The following ADGRB1 variants were observed in gnomAD, a reference collection of about 807,000 sequenced individuals.
The protein encoded by ADGRB1 is adhesion G protein-coupled receptor B1.
ADGRB1 carries 36 observed loss-of-function variants against 175.7 expected under a neutral mutation model. That is an observed-to-expected ratio of 0.20 (90% CI 0.16 to 0.27). The LOEUF is 0.27. Ranked by LOEUF, ADGRB1 falls within the 10% of genes least tolerant of loss-of-function variation. The pLI is 1.00. For synonymous variants in ADGRB1, 1,054 were observed against 979.4 expected (o/e 1.08, Z -1.42); for missense variants, 1,731 against 2,255.3 (o/e 0.77, Z 4.71).
intron 1 of ADGRB1, among the ~76,000 whole-genome samples, chr8:142,454,076 C>T (rs1283705838): frequency 6.6e-6 from 1 of 152,128 alleles, no homozygotes; most frequent in Non-Finnish European, 1.5e-5. Flanking sequence ...AGGAGGGTCT[C>T]GAACAGGGTT....
At position 142,481,338 on chromosome 8, in the gene ADGRB1, A is replaced by T; in HGVS notation, c.1913A>T (p.Asp638Val). Reference sequence around the variant, plus strand: ...ACCTACATCCGCTGTGTTTCCATTGACTACAGAAACATCCAGATGATGGTG... The same window carrying T: ...ACCTACATCCGCTGTGTTTCCATTGTCTACAGAAACATCCAGATGATGGTG... Reference protein sequence around the residue: ...PPTYIRCVSIDYRNIQMMTRE... With the variant: ...PPTYIRCVSIVYRNIQMMTRE... Residue 638 changes from aspartate to valine, a missense_variant, in exon 10 of 31, where the codon GAC becomes GTC. By Grantham distance (152) the Asp-to-Val change is radical. This residue lies in a region of ADGRB1 where 388 missense variants were observed against 630.9 expected (regional missense o/e 0.61). Coordinates refer to ENST00000517894, the MANE Select transcript of ADGRB1 (RefSeq NM_001702.3). 2 of 1,613,788 alleles carry T rather than the reference A, an allele frequency of 1.2e-6. No individual in the cohort carries two copies. Among genetic ancestry groups the T allele is most frequent in the Non-Finnish European group, 1.7e-6 (2 of 1,179,858 alleles).
At position 142,488,522 on chromosome 8, in the gene ADGRB1, G is replaced by A. The variant is rs1343388756; in HGVS notation, c.2452+15G>A. On this transcript the variant is annotated intron_variant, in intron 14 of 30. Transcript: ENST00000517894. ...GGGGCTGACAGGTGAGGGGCCCAGGGAGTGGAGGGGGACCTTCATGGGGGA... is the reference window on the plus strand; with the variant it reads ...GGGGCTGACAGGTGAGGGGCCCAGGAAGTGGAGGGGGACCTTCATGGGGGA... The A allele has an allele frequency of 6.2e-7, 1 of 1,610,022 alleles. No individual in the cohort carries two copies. Among genetic ancestry groups the A allele is most frequent in the Admixed American group, 1.7e-5 (1 of 59,950 alleles).
chr8:142,526,771 G>C, intron 24 of ADGRB1, 144 bp downstream of exon 24: 2 of 786,330 alleles, frequency 2.5e-6, no homozygotes, highest in South Asian at 3.3e-5. Flanking sequence ...CGGAGGCACT[G>C]AGTACAGAGG....
At chr8:142,535,459 A>G (rs1363450816) in intron 25 of ADGRB1, among the ~76,000 whole-genome samples, 1 of 152,184 alleles carries the variant, frequency 6.6e-6, no homozygotes, top group Non-Finnish European at 1.5e-5. Flanking sequence ...AGGGCCTTCA[A>G]GGTCCTGCCC....
At chr8:142,450,202 A>C (rs1244638828) in intron 1 of ADGRB1, 98 bp downstream of exon 1, 1 of 151,594 alleles carries the variant, frequency 6.6e-6, no homozygotes, top group Non-Finnish European at 1.5e-5. Flanking sequence ...AGACTTCCTA[A>C]CTTCGCCGTT....
chr8:142,527,745 T>C (rs1376612607), intron 24 of ADGRB1, among the ~76,000 whole-genome samples: 1 of 152,216 alleles, frequency 6.6e-6, no homozygotes, highest in Non-Finnish European at 1.5e-5. Context: ...GCAGACTGCC[T>C]ACCTGGTCGT....
chr8:142,536,196 C>T (rs905533647), intron 25 of ADGRB1, among the ~76,000 whole-genome samples: 3 of 150,702 alleles, frequency 2.0e-5, no homozygotes, highest in Non-Finnish European at 4.4e-5. Flanking sequence ...AGGAAGCCCT[C>T]TGTGCTTTCA....
Position 142,492,118 on chromosome 8 carries a change from T to C in ADGRB1, c.2675+1303T>C, listed in dbSNP as rs1235131223. ...TGCCTGTTCTTTAATCTATACCCAC[T>C]GCCACCACCCTCCACCCACCAACCA... On this transcript the variant is annotated intron_variant, in intron 17 of 30. Coordinates refer to ENST00000517894, the MANE Select transcript of ADGRB1 (RefSeq NM_001702.3). The surrounding 1 kb of genome is among the most constrained non-coding windows in gnomAD (Gnocchi z 4.4). Among the ~76,000 whole-genome samples the C allele has an allele frequency of 6.6e-6, 1 of 151,862 alleles. No individual in the cohort carries two copies. The highest frequency in any genetic ancestry group is 6.6e-5 in the Admixed American group (1 of 15,240).
chr8:142,538,325 C>T (rs553259653), intron 26 of ADGRB1, among the ~76,000 whole-genome samples: 1 of 152,306 alleles, frequency 6.6e-6, no homozygotes, highest in South Asian at 2.1e-4. Context: ...ATGTCCAGCC[C>T]CGGGTGAGGG....
In ADGRB1 at chr8:142,510,952, C is replaced by T. The variant is rs1480959221; in HGVS notation, c.2696C>T (p.Pro899Leu). The change falls in exon 18 of 31, where the codon CCG becomes CTG. Residue 899 changes from proline to leucine, a missense_variant. Physicochemically the swap from Pro to Leu is moderately conservative, Grantham distance 98 (BLOSUM62 -3). Coordinates refer to ENST00000517894, the MANE Select transcript of ADGRB1 (RefSeq NM_001702.3). The surrounding 1 kb of genome is among the most constrained non-coding windows in gnomAD (Gnocchi z 6.3). ...CCCAGACCCTCCTCCTCCGCCCCCC[C>T]GCAGCTCGGGCCCTGGTCGTGGCGC... ...ETDVPSSSAP[P>L]QLGPWSWRGC... 1.5e-6 allele frequency: 2 copies of T among 1,294,488 alleles called. No homozygotes were observed. Among genetic ancestry groups the T allele is most frequent in the East Asian group, 4.4e-5 (1 of 22,708 alleles). 80.2% of individuals were successfully genotyped at this position (1,294,488 alleles called of 1,614,324 possible). A position where few individuals can be genotyped will look rare whatever the true frequency, so the allele number is the denominator to read the frequency against.
chr8:142,540,277 G>A (rs923051210), intron 27 of ADGRB1, among the ~76,000 whole-genome samples: 1 of 152,240 alleles, frequency 6.6e-6, no homozygotes, highest in African/African-American at 2.4e-5. Context: ...AAGTGACTTC[G>A]GGGCTGGGCT....
At chr8:142,500,471 G>C (rs372372741) in intron 17 of ADGRB1, among the ~76,000 whole-genome samples, 1 of 149,008 alleles carries the variant, frequency 6.7e-6, no homozygotes, top group African/African-American at 2.5e-5. Flanking sequence ...GTCATGCCTC[G>C]TGGGGGCGAG....
At chr8:142,482,233 C>A (rs1841392430) in intron 11 of ADGRB1, among the ~76,000 whole-genome samples, 1 of 146,954 alleles carries the variant, frequency 6.8e-6, no homozygotes, top group Non-Finnish European at 1.5e-5. Flanking sequence ...TGGTCACACA[C>A]TGAGCCCTGA....
chr8:142,457,727 G>T (rs1839757497), intron 1 of ADGRB1, among the ~76,000 whole-genome samples: 2 of 152,174 alleles, frequency 1.3e-5, no homozygotes, highest in African/African-American at 4.8e-5. Flanking sequence ...GGGTCACCCT[G>T]TCGGGGGGAG....
At chr8:142,451,121 C>T (rs1167959003) in intron 1 of ADGRB1, among the ~76,000 whole-genome samples, 16 of 152,144 alleles carry the variant, frequency 1.1e-4, no homozygotes. Context: ...CCGCGGCCCC[C>T]TGGGCGAGGT....
rs79011494 is a variant in ADGRB1 at position 142,492,550 on chromosome 8, G to A, written c.2675+1735G>A. 3.5e-3 allele frequency among the ~76,000 whole-genome samples: 531 copies of A among 152,306 alleles called. 3 individuals carry two copies. Among genetic ancestry groups the A allele is most frequent in the Non-Finnish European group, 5.9e-3 (399 of 68,030 alleles). On this transcript the variant is annotated intron_variant, in intron 17 of 30. Transcript: ENST00000517894. This position sits in a 1 kb window ranked among gnomAD's most constrained non-coding sequence, Gnocchi z 4.4. ...TGCGTGTGAGTGTCTGGGGATGAGC[G>A]TCGCAGGGGAAGGAGCAGCCGGGGC...
chr8:142,478,116 C>T lies in ADGRB1; in HGVS notation c.1388-71C>T, dbSNP rs941254866. ...GGGGTGGTAGCACCCAGGGTGCTCA[C>T]ACCCACATTCCAAGCCAGGCATTGG... On this transcript the variant is annotated intron_variant, in intron 6 of 30. Coordinates refer to ENST00000517894, the MANE Select transcript of ADGRB1 (RefSeq NM_001702.3). The T allele has an allele frequency of 8.4e-6, 13 of 1,546,606 alleles. No homozygotes were observed. The South Asian group carries it at 1.2e-4, about 14-fold the overall frequency.
intron 1 of ADGRB1, among the ~76,000 whole-genome samples, chr8:142,453,519 C>A (rs1012361037): frequency 2.0e-5 from 3 of 152,216 alleles, no homozygotes; most frequent in African/African-American, 7.2e-5. Flanking sequence ...GCCTCCCTGG[C>A]TGCAGCTGCG....
Position 142,542,634 on chromosome 8 carries a change from T to G in ADGRB1, c.4400T>G (p.Val1467Gly). 2 of 1,549,026 alleles carry G rather than the reference T, an allele frequency of 1.3e-6. No individual in the cohort carries two copies. Among genetic ancestry groups the G allele is most frequent in the Non-Finnish European group, 1.7e-6 (2 of 1,147,708 alleles). The change falls in exon 28 of 31, where the codon GTG becomes GGG. Residue 1467 changes from valine to glycine, a missense_variant. Transcript: ENST00000517894. This position sits in a 1 kb window ranked among gnomAD's most constrained non-coding sequence, Gnocchi z 6.3. ...AACGAGAATGTCGCCACCTTGTCTG[T>G]GAGCTCCCTGGAGGTGAGGGGGGCA... ...TKNENVATLS[V>G]SSLERRKSRY...
Sources: gnomAD v4.1 joint callset for allele counts (sites outside exome capture counted in the v4.1 genomes callset) on GRCh38, gnomAD v4.1.1 for gene constraint, gnomAD v4.1.1 regional missense constraint, Gnocchi (gnomAD v3.1) non-coding constraint, MANE v1.5 for transcripts, NCBI Gene and HGNC (gene_info 2026-07-23, HGNC 2026-07-21) for gene names.